The following HDAC9 variants were observed in gnomAD, a reference collection of about 807,000 sequenced individuals.
HDAC9 encodes MEF-2 interacting transcription repressor (MITR) protein.
HDAC9 carries 41 observed loss-of-function variants against 139.4 expected under a neutral mutation model. The observed-to-expected ratio is 0.29, with a 90% CI of 0.23 to 0.38. The LOEUF (loss-of-function observed/expected upper bound fraction) is 0.38. HDAC9 is among the 10% of genes least tolerant of loss of function. The probability of loss-of-function intolerance (pLI) is 1.00; values close to 1 mark genes in which losing one functional copy is unlikely to be tolerated. For missense variants in HDAC9, 1,147 were observed against 1,297.0 expected (o/e 0.88, Z 1.78); for synonymous variants, 517 against 476.2 (o/e 1.09, Z -1.12).
chr7:18,454,110 A>T (rs1793131658), intron 1 of HDAC9, among the ~76,000 whole-genome samples: 1 of 152,126 alleles, frequency 6.6e-6, no homozygotes, highest in African/African-American at 2.4e-5. Flanking sequence ...TTAATTATGG[A>T]ATTACTAAAA....
intron 22 of HDAC9, among the ~76,000 whole-genome samples, chr7:18,921,180 C>G (rs1803681286): frequency 6.6e-6 from 1 of 152,130 alleles, no homozygotes; most frequent in African/African-American, 2.4e-5. Context: ...TGGGCAAGGA[C>G]TTCATGTCTA....
intron 12 of HDAC9, 93 bp from the exon 13 acceptor site, chr7:18,727,487 A>T: frequency 9.6e-7 from 1 of 1,042,176 alleles, no homozygotes; most frequent in Non-Finnish European, 1.4e-6. Context: ...TATGTCTCTG[A>T]CCTGATGAAC....
At chr7:18,750,562 C>T (rs959297643) in intron 14 of HDAC9, among the ~76,000 whole-genome samples, 3 of 152,140 alleles carry the variant, frequency 2.0e-5, no homozygotes, top group Admixed American at 2.0e-4. Context: ...CTGGTCCTTT[C>T]CTCAGTGCAA....
At chr7:18,978,938 G>A (rs144032272) in intron 25 of HDAC9, among the ~76,000 whole-genome samples, 6 of 151,816 alleles carry the variant, frequency 4.0e-5, no homozygotes, top group African/African-American at 1.4e-4. Context: ...TGGTGACTTT[G>A]TGTGTGTGTG....
intron 2 of HDAC9, among the ~76,000 whole-genome samples, chr7:18,215,107 C>T (rs1423946863): frequency 6.6e-6 from 1 of 152,120 alleles, no homozygotes; most frequent in Non-Finnish European, 1.5e-5. Context: ...ATATTCCTTT[C>T]TAATAAATGG....
rs567211329 is a variant in HDAC9 at position 18,139,316 on chromosome 7, G to T, written c.-96-22913G>T. Among the ~76,000 whole-genome samples, 14 of 151,704 alleles carry T rather than the reference G, an allele frequency of 9.2e-5. No individual in the cohort carries two copies. The South Asian group carries it at 2.9e-3, about 32-fold the overall frequency. On this transcript the variant is annotated intron_variant, in intron 1 of 12. Transcript: ENST00000417496. ...AATTTTTGTTATTTTTTGTAGAGAT[G>T]GGGTTTTGTCATGTTGCCCAGGCTG...
intron 13 of HDAC9, among the ~76,000 whole-genome samples, chr7:18,729,035 G>T (rs1035713011): frequency 6.6e-6 from 1 of 152,080 alleles, no homozygotes; most frequent in African/African-American, 2.4e-5. Flanking sequence ...CAGTGTTAGT[G>T]GCAGCCTTTT....
In HDAC9 at chr7:18,666,273, G is replaced by A. The variant is rs1268376074; in HGVS notation, c.1528G>A (p.Glu510Lys). The A allele has an allele frequency of 6.2e-7, 1 of 1,613,424 alleles. No individual in the cohort carries two copies. The highest frequency in any genetic ancestry group is 8.5e-7 in the Non-Finnish European group (1 of 1,179,576). ...AGGCAGTCACCTTGAGGAAGCAGAGGAAGAGCTTCAGGGGGACCAGGCGAT... is the reference window on the plus strand; with the variant it reads ...AGGCAGTCACCTTGAGGAAGCAGAGAAAGAGCTTCAGGGGGACCAGGCGAT... ...QPGSHLEEAE[E>K]ELQGDQAMQE... The change falls in exon 12 of 26, where the codon GAA becomes AAA. Residue 510 changes from glutamate (E) to lysine (K), a missense_variant. Glu to Lys is a moderately conservative substitution (Grantham distance 56, BLOSUM62 1). Transcript: ENST00000686413.
At chr7:18,367,893 T>C (rs1283089686) in intron 1 of HDAC9, among the ~76,000 whole-genome samples, 1 of 152,122 alleles carries the variant, frequency 6.6e-6, no homozygotes, top group South Asian at 2.1e-4. Flanking sequence ...GTTCGTGTGA[T>C]CATTTGCACT....
intron 15 of HDAC9, among the ~76,000 whole-genome samples, chr7:18,764,005 T>C (rs144562126): frequency 0.01 from 1,565 of 152,262 alleles, 20 homozygotes; most frequent in African/African-American, 0.028. Context: ...TTTAAACTTT[T>C]GCAACATCAA....
At chr7:18,155,517 G>A (rs954731962) in intron 1 of HDAC9, among the ~76,000 whole-genome samples, 33 of 152,228 alleles carry the variant, frequency 2.2e-4, no homozygotes, top group African/African-American at 5.5e-4. Context: ...TATATTTATA[G>A]TATAGACTAC....
chr7:18,648,171 C>A (rs1160272387), intron 10 of HDAC9, among the ~76,000 whole-genome samples, 173 bp downstream of exon 10: 1 of 152,070 alleles, frequency 6.6e-6, no homozygotes, highest in African/African-American at 2.4e-5. Context: ...TCCTTCAGAT[C>A]CACTTGGGGT....
intron 2 of HDAC9, among the ~76,000 whole-genome samples, chr7:18,526,108 A>G (rs1400902877): frequency 2.0e-5 from 3 of 152,200 alleles, no homozygotes; most frequent in African/African-American, 7.2e-5. Flanking sequence ...TGCATAGGAA[A>G]GGTTCACAAA....
chr7:18,560,282 A>G (rs909512176), intron 2 of HDAC9, among the ~76,000 whole-genome samples: 1 of 152,202 alleles, frequency 6.6e-6, no homozygotes, highest in African/African-American at 2.4e-5. Context: ...AAATAATACT[A>G]AAGACCTCTA....
intron 1 of HDAC9, among the ~76,000 whole-genome samples, chr7:18,376,580 C>T (rs1030522975): frequency 6.6e-6 from 1 of 152,130 alleles, no homozygotes; most frequent in Admixed American, 6.6e-5. Flanking sequence ...TGAAATAATT[C>T]TTACACCATA....
chr7:18,852,153 C>T (rs1797347011), intron 21 of HDAC9, among the ~76,000 whole-genome samples: 1 of 152,214 alleles, frequency 6.6e-6, no homozygotes, highest in Non-Finnish European at 1.5e-5. Flanking sequence ...AAGTAGCTGA[C>T]TTTCTCCCAT....
rs190898273 is a variant in HDAC9, at chr7:18,547,241, T to C, written c.23-38040T>C. 2.0e-4 allele frequency among the ~76,000 whole-genome samples: 31 copies of C among 151,764 alleles called. 1 individual carries two copies. The East Asian group carries it at 5.4e-3, about 27-fold the overall frequency. On this transcript the variant is annotated intron_variant, in intron 2 of 25. Transcript: ENST00000686413. The stretch of plus-strand genomic sequence containing the variant: ...AGGATAGGGTGACTCTGACACTTTC[T>C]TTTTTTTTCTTTGAGACGGAGTCTC...
chr7:18,162,298 C>T (rs1401874444), exon 2 of HDAC9: 1 of 1,534,542 alleles, frequency 6.5e-7, no homozygotes, highest in East Asian at 2.4e-5. Context: ...AATCTGCATC[C>T]TAGTCTTAGC....
At chr7:18,146,841 C>T (rs1411486969) in intron 1 of HDAC9, among the ~76,000 whole-genome samples, 1 of 152,104 alleles carries the variant, frequency 6.6e-6, no homozygotes, top group Non-Finnish European at 1.5e-5. Flanking sequence ...AGAAGCAGAA[C>T]AGTCATTTTT....
Sources: gnomAD v4.1 joint callset for allele counts (sites outside exome capture counted in the v4.1 genomes callset) on GRCh38, gnomAD v4.1.1 for gene constraint, MANE v1.5 for transcripts, NCBI Gene and HGNC (gene_info 2026-07-23, HGNC 2026-07-21) for gene names.